The following ZFR2 variants were observed in gnomAD, a reference collection of about 807,000 sequenced individuals.
ZFR2 encodes the protein zinc finger RNA-binding protein 2.
A neutral mutation model predicts 105.7 loss-of-function variants in ZFR2; 104 were observed. The ratio of observed to expected loss-of-function variants is 0.98; its 90% CI spans 0.84 to 1.16. The LOEUF (loss-of-function observed/expected upper bound fraction) is 1.16. Ranked by LOEUF, ZFR2 falls within the 50% of genes most tolerant of loss-of-function variation. The probability of loss-of-function intolerance (pLI) is 0.00; values close to 1 mark genes in which losing one functional copy is unlikely to be tolerated. For synonymous variants in ZFR2, 634 were observed against 597.7 expected (o/e 1.06, Z -0.89); for missense variants, 1,425 against 1,355.5 (o/e 1.05, Z -0.80).
intron 1 of ZFR2, among the ~76,000 whole-genome samples, chr19:3,866,966 C>G (rs2038437237): frequency 6.6e-6 from 1 of 152,242 alleles, no homozygotes; most frequent in South Asian, 2.1e-4. Flanking sequence ...ATGCACTCCT[C>G]ATTCCCACAG....
At position 3,858,024 on chromosome 19, in the gene ZFR2, G is replaced by A. The variant is rs1293086898; in HGVS notation, c.53+10941C>T. ...GGCTAATGTCTTTTGATGGCTTTTT[G>A]GTCGGAGAATTTGTTTTGGGAAGTC... On this transcript the variant is annotated intron_variant, in intron 1 of 18. Transcript: ENST00000262961. The surrounding 1 kb of genome is among the most constrained non-coding windows in gnomAD (Gnocchi z 4.3). 6.6e-6 allele frequency among the ~76,000 whole-genome samples: 1 copy of A among 152,164 alleles called. No individual in the cohort carries two copies. Among genetic ancestry groups the A allele is most frequent in the African/African-American group, 2.4e-5 (1 of 41,442 alleles).
intron 1 of ZFR2, chr19:3,852,221 A>C (rs532306703): frequency 2.1e-6 from 1 of 484,028 alleles, no homozygotes; most frequent in Non-Finnish European, 3.7e-6. Flanking sequence ...CAATCCTGGC[A>C]GAGGTGGGGC....
chr19:3,832,739 G>A (rs910085300), intron 3 of ZFR2, among the ~76,000 whole-genome samples: 4 of 151,838 alleles, frequency 2.6e-5, no homozygotes, highest in East Asian at 1.9e-4. Context: ...GGGCTCAGGC[G>A]AACCTCCTAC....
rs1305288650 is a variant in ZFR2 at position 3,813,513 on chromosome 19, C to A, written c.2242+307G>T. 1.3e-5 allele frequency among the ~76,000 whole-genome samples: 2 copies of A among 152,188 alleles called. No individual in the cohort carries two copies. Among genetic ancestry groups the A allele is most frequent in the Non-Finnish European group, 2.9e-5 (2 of 68,036 alleles). ...GCCGCCAGGGCTGGTGTCACCAGGG[C>A]CTGAGAAGCAGGTGCCAGCCCTGGG... is the stretch of plus-strand genomic sequence containing the variant. On this transcript the variant is annotated intron_variant, in intron 14 of 18. Coordinates refer to ENST00000262961, the MANE Select transcript of ZFR2 (RefSeq NM_015174.2). This position sits in a 1 kb window ranked among gnomAD's most constrained non-coding sequence, Gnocchi z 4.4.
chr19:3,865,390 C>T (rs1042461939), intron 1 of ZFR2, among the ~76,000 whole-genome samples: 2 of 152,050 alleles, frequency 1.3e-5, no homozygotes, highest in Admixed American at 6.6e-5. Context: ...TGCTCTGTTG[C>T]CCAGGCTGGA....
rs114553168 is a variant in ZFR2, at chr19:3,850,034, T to G, written c.54-15051A>C. On this transcript the variant is annotated intron_variant, in intron 1 of 18. Coordinates refer to ENST00000262961, the MANE Select transcript of ZFR2 (RefSeq NM_015174.2). ...GACATCAGGCAAGATACCCTTGACCTCGCCGCAGGTCCCCACCCTGTCCCG... is the reference window on the plus strand; with the variant it reads ...GACATCAGGCAAGATACCCTTGACCGCGCCGCAGGTCCCCACCCTGTCCCG... 3.9e-3 allele frequency among the ~76,000 whole-genome samples: 591 copies of G among 152,042 alleles called. 5 individuals carry two copies. Among genetic ancestry groups the G allele is most frequent in the African/African-American group, 0.014 (566 of 41,482 alleles).
intron 1 of ZFR2, 26 bp downstream of exon 1, chr19:3,868,939 G>T: frequency 3.1e-6 from 4 of 1,288,600 alleles, no homozygotes; most frequent in Non-Finnish European, 4.0e-6. Context: ...CGGGACTGGC[G>T]GGGGCTGGCG....
chr19:3,824,413 G>C (rs1047466967), intron 7 of ZFR2, among the ~76,000 whole-genome samples: 1 of 152,236 alleles, frequency 6.6e-6, no homozygotes, highest in African/African-American at 2.4e-5. Context: ...ACGCGGGTCA[G>C]CTCTGACAGC....
Position 3,817,144 on chromosome 19 carries a change from G to A in ZFR2, c.1932-299C>T, listed in dbSNP as rs572353582. On this transcript the variant is annotated intron_variant, in intron 12 of 18. Transcript: ENST00000262961. Reference sequence around the variant, plus strand: ...ACGCTAAGCCCCAGGCCCGCCCCGCGAGGTCTGGTGGCTCCCGCGTTCACG... The same window carrying A: ...ACGCTAAGCCCCAGGCCCGCCCCGCAAGGTCTGGTGGCTCCCGCGTTCACG... Among the ~76,000 whole-genome samples the A allele has an allele frequency of 1.8e-3, 272 of 152,302 alleles. 3 individuals are homozygous for A. The highest frequency in any genetic ancestry group is 5.6e-3 in the African/African-American group (234 of 41,554).
chr19:3,863,294 G>A (rs945548896), intron 1 of ZFR2, among the ~76,000 whole-genome samples: 2 of 152,190 alleles, frequency 1.3e-5, no homozygotes, highest in African/African-American at 4.8e-5. Context: ...TGGTCAGCAT[G>A]GGCTCCGGGC....
chr19:3,819,196 T>A lies in ZFR2; in HGVS notation c.1780A>T (p.Met594Leu). ...GGGTAGATGGTGGCGTGCTTGCACA[T>A]GACGTGCCGGTCGTCGCTGGACGCC... ...RPASSDDRHV[M>L]CKHATIYPTE... The change falls in exon 12 of 19, where the codon ATG becomes TTG. Residue 594 changes from methionine (M) to leucine (L), a missense_variant. Met to Leu is a conservative substitution (Grantham distance 15). Transcript: ENST00000262961. The A allele has an allele frequency of 6.3e-7, 1 of 1,582,544 alleles. No homozygotes were observed. Among genetic ancestry groups the A allele is most frequent in the Non-Finnish European group, 8.5e-7 (1 of 1,170,170 alleles).
At chr19:3,806,768 C>T (rs923534006) in intron 18 of ZFR2, among the ~76,000 whole-genome samples, 1 of 152,210 alleles carries the variant, frequency 6.6e-6, no homozygotes, top group Non-Finnish European at 1.5e-5. Context: ...ACGTCAGACC[C>T]GATGCGGTTT....
Position 3,841,027 on chromosome 19 carries a change from C to T in ZFR2, c.54-6044G>A, listed in dbSNP as rs572770658. On this transcript the variant is annotated intron_variant, in intron 1 of 18. Transcript: ENST00000262961. ...ATGAGTGAAGAAGCACATGGTGACTCGGTGCCTTGTTCGCTCTAGGTTGGC... is the reference window on the plus strand; with the variant it reads ...ATGAGTGAAGAAGCACATGGTGACTTGGTGCCTTGTTCGCTCTAGGTTGGC... Among the ~76,000 whole-genome samples, 23 of 152,318 alleles carry T rather than the reference C, an allele frequency of 1.5e-4. No homozygotes were observed. In the East Asian group the frequency reaches 4.1e-3, roughly 27 times the overall value.
At chr19:3,833,399 AC>A in intron 3 of ZFR2, 1 of 326,562 alleles carries the variant, frequency 3.1e-6, no homozygotes, top group Non-Finnish European at 5.8e-6. Context: ...ATACTGTGAA[AC>A]CCCGTCTCTA....
At chr19:3,830,963 GCA>G (rs907004529) in intron 5 of ZFR2, among the ~76,000 whole-genome samples, 2 of 145,390 alleles carry the variant, frequency 1.4e-5, no homozygotes, top group African/African-American at 2.5e-5. Context: ...ATACACACAC[GCA>G]CACACATGCA....
At position 3,823,810 on chromosome 19, in the gene ZFR2, T is replaced by C. The variant is rs2037921869; in HGVS notation, c.1214-407A>G. Among the ~76,000 whole-genome samples, 1 of 152,196 alleles carries C rather than the reference T, an allele frequency of 6.6e-6. No homozygotes were observed. On this transcript the variant is annotated intron_variant, in intron 7 of 18. Transcript: ENST00000262961. This position sits in a 1 kb window ranked among gnomAD's most constrained non-coding sequence, Gnocchi z 5.4. ...TTATAAGAATGACTTGATGGTTTGA[T>C]CTTCAAAATCATGTTGCTATTCAAG... is the stretch of plus-strand genomic sequence containing the variant.
At chr19:3,866,757 C>T (rs1475905074) in intron 1 of ZFR2, among the ~76,000 whole-genome samples, 1 of 152,126 alleles carries the variant, frequency 6.6e-6, no homozygotes, top group African/African-American at 2.4e-5. Context: ...TAGCCTGGAT[C>T]GCTAGCCAAG....
At position 3,838,116 on chromosome 19, in the gene ZFR2, G is replaced by T. The variant is rs1002368105; in HGVS notation, c.54-3133C>A. On this transcript the variant is annotated intron_variant, in intron 1 of 18. Transcript: ENST00000262961. This position sits in a 1 kb window ranked among gnomAD's most constrained non-coding sequence, Gnocchi z 4.9. ...GATGAACACCGTGACCGTGACACTCGATGAACACCGTGACTGTGACACACA... is the reference window on the plus strand; with the variant it reads ...GATGAACACCGTGACCGTGACACTCTATGAACACCGTGACTGTGACACACA... Among the ~76,000 whole-genome samples the T allele has an allele frequency of 6.7e-6, 1 of 150,084 alleles. No individual in the cohort carries two copies. The highest frequency in any genetic ancestry group is 1.5e-5 in the Non-Finnish European group (1 of 67,632).
chr19:3,813,997 A>C lies in ZFR2; in HGVS notation c.2104-39T>G, dbSNP rs2037799808. On this transcript the variant is annotated intron_variant, in intron 13 of 18. Transcript: ENST00000262961. This position sits in a 1 kb window ranked among gnomAD's most constrained non-coding sequence, Gnocchi z 4.4. ...ATACAACACAAGGCCACCTTACTGC[A>C]GCCCAGATTCATGTGTAAATCAGCC... 6.2e-7 allele frequency: 1 copy of C among 1,610,570 alleles called. No individual in the cohort carries two copies. Among genetic ancestry groups the C allele is most frequent in the South Asian group, 1.1e-5 (1 of 90,716 alleles).
Sources: allele counts gnomAD v4.1 joint callset (sites outside exome capture counted in the v4.1 genomes callset), GRCh38; gene constraint gnomAD v4.1.1; non-coding constraint Gnocchi (gnomAD v3.1); transcripts MANE v1.5; gene names NCBI Gene and HGNC (gene_info 2026-07-23, HGNC 2026-07-21).